The following AGPAT4 variants were observed in gnomAD, a reference collection of about 807,000 sequenced individuals.
AGPAT4 encodes 1-acylglycerol-3-phosphate O-acyltransferase 4.
AGPAT4 carries 15 observed loss-of-function variants against 48.0 expected under a neutral mutation model. The observed-to-expected ratio is 0.31, with a 90% CI of 0.21 to 0.48. The LOEUF is 0.48. AGPAT4 is among the 20% of genes least tolerant of loss of function. The pLI is 0.99. For missense variants in AGPAT4, 314 were observed against 482.5 expected (o/e 0.65, Z 3.27); for synonymous variants, 178 against 198.7 (o/e 0.90, Z 0.88).
Position 161,189,855 on chromosome 6 carries a change from T to G in AGPAT4, c.179-23438A>C, listed in dbSNP as rs1780871486. ...GAGTTTTGTGCAGGCCCAGGCTCTG[T>G]TCTGTCTTATCAGTTCTGAAATGCT... is the stretch of plus-strand genomic sequence containing the variant. On this transcript the variant is annotated intron_variant, in intron 2 of 8. Coordinates refer to ENST00000320285, the MANE Select transcript of AGPAT4 (RefSeq NM_020133.3). This position sits in a 1 kb window ranked among gnomAD's most constrained non-coding sequence, Gnocchi z 5.3. Among the ~76,000 whole-genome samples, 1 of 152,250 alleles carries G rather than the reference T, an allele frequency of 6.6e-6. No individual in the cohort carries two copies. Among genetic ancestry groups the G allele is most frequent in the South Asian group, 2.1e-4 (1 of 4,834 alleles).
rs952409978 is a variant in AGPAT4, at chr6:161,136,293, A to T, written c.*247T>A. On this transcript the variant is annotated 3_prime_UTR_variant, in exon 9 of 9. Transcript: ENST00000320285. ...AGAACAAAGTTCACACTCACCACAC[A>T]GCCATTCTCACACACACTCGCACAA... 3 of 509,494 alleles carry T rather than the reference A, an allele frequency of 5.9e-6. No homozygotes were observed. The highest frequency in any genetic ancestry group is 3.3e-5 in the Admixed American group (1 of 30,406). The allele number at this position is 509,494 out of a possible 1,614,324, so 31.6% of individuals were successfully genotyped here.
chr6:161,185,622 C>G (rs1780747422), intron 2 of AGPAT4, among the ~76,000 whole-genome samples: 1 of 152,124 alleles, frequency 6.6e-6, no homozygotes, highest in Non-Finnish European at 1.5e-5. Flanking sequence ...TTTGGAGAAT[C>G]CTTATGCTAT....
At position 161,130,845 on chromosome 6, in the gene AGPAT4, T is replaced by TTCA. The variant is rs746769342; in HGVS notation, c.*5692_*5694dup. ...ACAAGTCTGAGCCATCCCGTACTAG[T>TTCA]TCATCAACTTTCCTTCCTCATGATC... On this transcript the variant is annotated 3_prime_UTR_variant, in exon 9 of 9. Coordinates refer to ENST00000320285, the MANE Select transcript of AGPAT4 (RefSeq NM_020133.3). The TTCA allele has an allele frequency of 2.3e-5, 12 of 518,912 alleles. No individual in the cohort carries two copies. Among genetic ancestry groups the TTCA allele is most frequent in the African/African-American group, 2.1e-4 (11 of 51,968 alleles). 32.1% of individuals were successfully genotyped at this position (518,912 alleles called of 1,614,324 possible).
At chr6:161,260,680 A>C (rs986667061) in intron 1 of AGPAT4, among the ~76,000 whole-genome samples, 9 of 148,352 alleles carry the variant, frequency 6.1e-5, no homozygotes, top group Admixed American at 1.3e-4. Context: ...AAAAAAAAAA[A>C]AACAGGATTC....
rs1028007176 is a variant in AGPAT4, at chr6:161,222,905, C to T, written c.178+9131G>A. On this transcript the variant is annotated intron_variant, in intron 2 of 8. Transcript: ENST00000320285. This position sits in a 1 kb window ranked among gnomAD's most constrained non-coding sequence, Gnocchi z 5.9. ...CGGGTGCCTGGCTGCCTGAATAAAC[C>T]CATTTAGCCACTTGGTGATGCCAGC... Among the ~76,000 whole-genome samples, 1 of 152,266 alleles carries T rather than the reference C, an allele frequency of 6.6e-6. No homozygotes were observed. The highest frequency in any genetic ancestry group is 1.9e-4 in the East Asian group (1 of 5,182).
Position 161,216,801 on chromosome 6 carries a change from C to T in AGPAT4, c.178+15235G>A, listed in dbSNP as rs961608417. On this transcript the variant is annotated intron_variant, in intron 2 of 8. Transcript: ENST00000320285. This position sits in a 1 kb window ranked among gnomAD's most constrained non-coding sequence, Gnocchi z 4.8. ...TCAGATCTCGTGAGACTTACTATCACGAGACTAGCACGAGAAAAACTGGCC... is the reference window on the plus strand; with the variant it reads ...TCAGATCTCGTGAGACTTACTATCATGAGACTAGCACGAGAAAAACTGGCC... Among the ~76,000 whole-genome samples the T allele has an allele frequency of 3.3e-5, 5 of 152,108 alleles. No homozygotes were observed. Among genetic ancestry groups the T allele is most frequent in the African/African-American group, 9.7e-5 (4 of 41,420 alleles).
Position 161,146,499 on chromosome 6 carries a change from G to A in AGPAT4, c.843+25C>T, listed in dbSNP as rs190647520. On this transcript the variant is annotated intron_variant, in intron 7 of 8. Transcript: ENST00000320285. The surrounding 1 kb of genome is among the most constrained non-coding windows in gnomAD (Gnocchi z 7.1). ...CGCACCCACAGCTGCAACGTGAAGG[G>A]ACCCCTGGCACCCAGTGCACTGACC... 2.7e-5 allele frequency: 43 copies of A among 1,612,022 alleles called. No homozygotes were observed. The East Asian group carries it at 9.1e-4, about 34-fold the overall frequency.
At chr6:161,187,732 C>T (rs1780812229) in intron 2 of AGPAT4, among the ~76,000 whole-genome samples, 1 of 152,018 alleles carries the variant, frequency 6.6e-6, no homozygotes, top group African/African-American at 2.4e-5. Flanking sequence ...TTAGTAGAGA[C>T]AGGGTTTCAC....
rs1205311277 is a variant in AGPAT4 at position 161,244,275 on chromosome 6, C to T, written c.-89-11973G>A. Among the ~76,000 whole-genome samples, 1 of 152,164 alleles carries T rather than the reference C, an allele frequency of 6.6e-6. No homozygotes were observed. Among genetic ancestry groups the T allele is most frequent in the East Asian group, 1.9e-4 (1 of 5,200 alleles). On this transcript the variant is annotated intron_variant, in intron 1 of 8. Transcript: ENST00000320285. This position sits in a 1 kb window ranked among gnomAD's most constrained non-coding sequence, Gnocchi z 4.7. ...GCAAAGAAGCAGGAAGTCTTCCGGG[C>T]AGGGGTGAGGATGGGGCTGACACCA...
In AGPAT4 at chr6:161,222,538, A is replaced by C. The variant is rs1480674043; in HGVS notation, c.178+9498T>G. On this transcript the variant is annotated intron_variant, in intron 2 of 8. Transcript: ENST00000320285. The surrounding 1 kb of genome is among the most constrained non-coding windows in gnomAD (Gnocchi z 5.9). ...ACGTGGTTCAAGGAAATAATGACCC[A>C]GCTGGGCATCTTTCTATAAAAGATT... Among the ~76,000 whole-genome samples, 5 of 151,966 alleles carry C rather than the reference A, an allele frequency of 3.3e-5. No homozygotes were observed. The highest frequency in any genetic ancestry group is 6.6e-5 in the Admixed American group (1 of 15,264).
At chr6:161,167,340 C>T (rs147829643) in intron 2 of AGPAT4, among the ~76,000 whole-genome samples, 3,391 of 152,280 alleles carry the variant, frequency 0.022, 55 homozygotes, top group Non-Finnish European at 0.036. Context: ...ATCCTCCTAC[C>T]TCAGCCTCCT....
At position 161,161,230 on chromosome 6, in the gene AGPAT4, A is replaced by T. The variant is rs994481765; in HGVS notation, c.348+5018T>A. 2.2e-6 allele frequency: 1 copy of T among 456,624 alleles called. No individual in the cohort carries two copies. The highest frequency in any genetic ancestry group is 2.0e-5 in the African/African-American group (1 of 50,082). 28.3% of individuals were successfully genotyped at this position (456,624 alleles called of 1,614,324 possible). On this transcript the variant is annotated intron_variant, in intron 3 of 8. Transcript: ENST00000320285. The surrounding 1 kb of genome is among the most constrained non-coding windows in gnomAD (Gnocchi z 4.6). ...CAAAGAAGAAGACCCCGGTGTGTCC[A>T]ACGTGGGACCGGACTTTTACAGATG...
At chr6:161,183,568 T>A (rs1047102631) in intron 2 of AGPAT4, among the ~76,000 whole-genome samples, 10 of 143,398 alleles carry the variant, frequency 7.0e-5, no homozygotes, top group African/African-American at 2.4e-4. Flanking sequence ...TGCAGTGAGC[T>A]GAGATCATGC....
rs1057123205 is a variant in AGPAT4, at chr6:161,171,855, G to A, written c.179-5438C>T. On this transcript the variant is annotated intron_variant, in intron 2 of 8. Coordinates refer to ENST00000320285, the MANE Select transcript of AGPAT4 (RefSeq NM_020133.3). This position sits in a 1 kb window ranked among gnomAD's most constrained non-coding sequence, Gnocchi z 4.4. ...GCTGCACTTGCAGTGAGCCAAGATC[G>A]CACCACTGCACTCCAGCCTGGGTGA... is the stretch of plus-strand genomic sequence containing the variant. Among the ~76,000 whole-genome samples the A allele has an allele frequency of 2.0e-5, 3 of 152,012 alleles. No homozygotes were observed. Among genetic ancestry groups the A allele is most frequent in the African/African-American group, 7.2e-5 (3 of 41,388 alleles).
Position 161,272,041 on chromosome 6 carries a change from C to A in AGPAT4, c.-90+1897G>T, listed in dbSNP as rs995182239. On this transcript the variant is annotated intron_variant, in intron 1 of 8. Transcript: ENST00000320285. This position sits in a 1 kb window ranked among gnomAD's most constrained non-coding sequence, Gnocchi z 4.2. ...TAGTAATACTTTTCTGTGTGTTATGCCCTTTAAATAGTTCTCGTCTTTAAC... is the reference window on the plus strand; with the variant it reads ...TAGTAATACTTTTCTGTGTGTTATGACCTTTAAATAGTTCTCGTCTTTAAC... Among the ~76,000 whole-genome samples, 3 of 152,252 alleles carry A rather than the reference C, an allele frequency of 2.0e-5. No individual in the cohort carries two copies. The South Asian group carries it at 6.2e-4, about 32-fold the overall frequency.
At chr6:161,185,830 C>A (rs1316229675) in intron 2 of AGPAT4, among the ~76,000 whole-genome samples, 2 of 152,150 alleles carry the variant, frequency 1.3e-5, no homozygotes, top group Admixed American at 6.5e-5. Context: ...TAAAACTGTT[C>A]ATCCCTAAAA....
At position 161,147,796 on chromosome 6, in the gene AGPAT4, G is replaced by T. The variant is rs976936425; in HGVS notation, c.768-1197C>A. On this transcript the variant is annotated intron_variant, in intron 6 of 8. Coordinates refer to ENST00000320285, the MANE Select transcript of AGPAT4 (RefSeq NM_020133.3). The surrounding 1 kb of genome is among the most constrained non-coding windows in gnomAD (Gnocchi z 4.8). ...TCTTTATTTGGAGAGTAGGAATGTA[G>T]TGAGTTTTGCCCTTTTCAGCAACTT... Among the ~76,000 whole-genome samples the T allele has an allele frequency of 2.6e-5, 4 of 152,324 alleles. No homozygotes were observed. Among genetic ancestry groups the T allele is most frequent in the Non-Finnish European group, 5.9e-5 (4 of 68,030 alleles).
rs1779111279 is a variant in AGPAT4, at chr6:161,137,651, C to A, written c.1043-1017G>T. Among the ~76,000 whole-genome samples, 2 of 152,128 alleles carry A rather than the reference C, an allele frequency of 1.3e-5. No homozygotes were observed. The highest frequency in any genetic ancestry group is 2.9e-5 in the Non-Finnish European group (2 of 68,026). ...GGCCTTGGAAGAGGAGTAAAGAACA[C>A]AAACACAAAGTCCTTCAGGGAAGAA... is the stretch of plus-strand genomic sequence containing the variant. On this transcript the variant is annotated intron_variant, in intron 8 of 8. Coordinates refer to ENST00000320285, the MANE Select transcript of AGPAT4 (RefSeq NM_020133.3). The surrounding 1 kb of genome is among the most constrained non-coding windows in gnomAD (Gnocchi z 6.1).
At chr6:161,256,407 TC>T (rs1305268731) in intron 1 of AGPAT4, among the ~76,000 whole-genome samples, 1 of 152,232 alleles carries the variant, frequency 6.6e-6, no homozygotes, top group East Asian at 1.9e-4. Flanking sequence ...TTGTTCTCCT[TC>T]CTGTGAGGCT....
Sources: allele counts gnomAD v4.1 joint callset (sites outside exome capture counted in the v4.1 genomes callset), GRCh38; gene constraint gnomAD v4.1.1; non-coding constraint Gnocchi (gnomAD v3.1); transcripts MANE v1.5; gene names NCBI Gene and HGNC (gene_info 2026-07-23, HGNC 2026-07-21).